Variants in LRFN5 observed in about 807,000 individuals in gnomAD.
The protein encoded by LRFN5 is leucine-rich repeat and fibronectin type-III domain-containing protein 5.
Under a neutral mutation model 45.6 loss-of-function variants are expected in LRFN5, and 24 were observed. That is an observed-to-expected ratio of 0.53 (90% confidence interval 0.38 to 0.74). LRFN5 has a LOEUF of 0.74. Among genes scored for constraint, LRFN5 ranks in the 30% least tolerant of loss-of-function variants. LRFN5 has a pLI of 0.00. For missense variants in LRFN5, 776 were observed against 861.5 expected, an observed-to-expected ratio of 0.90 and a Z score of 1.24; for synonymous variants, 340 against 313.8, an observed-to-expected ratio of 1.08 and a Z score of -0.88.
At chr14:41,642,505 A>G (rs1879626043) in intron 1 of LRFN5, among the ~76,000 whole-genome samples, 1 of 152,172 alleles carries the variant, frequency 6.6e-6, no homozygotes, top group Admixed American at 6.6e-5. Flanking sequence ...GAGGTAATGC[A>G]TAGGTCAACT....
chr14:41,789,250 G>T (rs1444012672), intron 2 of LRFN5, among the ~76,000 whole-genome samples: 1 of 151,838 alleles, frequency 6.6e-6, no homozygotes, highest in Non-Finnish European at 1.5e-5. Flanking sequence ...GCAGTCAATT[G>T]TTGCCTTTTT....
intron 2 of LRFN5, among the ~76,000 whole-genome samples, chr14:41,864,613 A>G (rs1002817934): frequency 1.3e-5 from 2 of 152,198 alleles, no homozygotes; most frequent in Non-Finnish European, 2.9e-5. Flanking sequence ...CTTATCACCA[A>G]ATAAGGTCAC....
chr14:41,759,260 C>A (rs1265602958), intron 1 of LRFN5, among the ~76,000 whole-genome samples: 1 of 152,150 alleles, frequency 6.6e-6, no homozygotes, highest in Non-Finnish European at 1.5e-5. Context: ...TTCTTCGAAA[C>A]TCCCATACTC....
chr14:41,895,320 C>T (rs1269555800), intron 4 of LRFN5, among the ~76,000 whole-genome samples: 2 of 152,072 alleles, frequency 1.3e-5, no homozygotes, highest in Non-Finnish European at 2.9e-5. Flanking sequence ...AGATTAAATA[C>T]AGCAATTTAA....
intron 1 of LRFN5, among the ~76,000 whole-genome samples, 158 bp from the exon 2 acceptor site, chr14:41,766,696 T>C (rs1885895506): frequency 6.6e-6 from 1 of 152,238 alleles, no homozygotes; most frequent in Non-Finnish European, 1.5e-5. Flanking sequence ...GCACATTCCA[T>C]TGGAAAGCTT....
At chr14:41,872,595 G>A (rs1410130876) in intron 2 of LRFN5, among the ~76,000 whole-genome samples, 3 of 152,142 alleles carry the variant, frequency 2.0e-5, no homozygotes, top group African/African-American at 4.8e-5. Flanking sequence ...TTACCTTAAT[G>A]TCCCAGTTTG....
At chr14:41,807,178 A>G (rs1390082264) in intron 2 of LRFN5, among the ~76,000 whole-genome samples, 2 of 152,212 alleles carry the variant, frequency 1.3e-5, no homozygotes, top group Non-Finnish European at 2.9e-5. Flanking sequence ...ATTTTTAGGT[A>G]TAATCCAGAA....
At chr14:41,726,090 T>C (rs1883919654) in intron 1 of LRFN5, among the ~76,000 whole-genome samples, 1 of 152,156 alleles carries the variant, frequency 6.6e-6, no homozygotes, top group Admixed American at 6.6e-5. Flanking sequence ...AACACATTAA[T>C]TGGATAAAAA....
At chr14:41,888,204 T>G (rs1295546220) in intron 3 of LRFN5, among the ~76,000 whole-genome samples, 194 bp downstream of exon 3, 1 of 152,110 alleles carries the variant, frequency 6.6e-6, no homozygotes, top group Non-Finnish European at 1.5e-5. Flanking sequence ...TTTAGAGAGT[T>G]CAATTTATAT....
At chr14:41,750,969 C>A (rs1007319731) in intron 1 of LRFN5, among the ~76,000 whole-genome samples, 5 of 152,152 alleles carry the variant, frequency 3.3e-5, no homozygotes, top group Non-Finnish European at 7.3e-5. Context: ...CTATCCCTCC[C>A]TCAGCCCCCT....
intron 2 of LRFN5, among the ~76,000 whole-genome samples, chr14:41,880,225 CCCT>C (rs1890334682): frequency 6.6e-6 from 1 of 151,904 alleles, no homozygotes; most frequent in Admixed American, 6.6e-5. Flanking sequence ...CCGCGCCCGG[CCCT>C]CAATCTTTTC....
In LRFN5 at chr14:41,753,674, G is replaced by A. The variant is rs144576472; in HGVS notation, c.-196-13180G>A. ...CCTTATGGAGATTTTGGGCTGAGAC[G>A]ATGGGGTTTTCTAGATAAACAATCA... On this transcript the variant is annotated intron_variant, in intron 1 of 5. Transcript: ENST00000298119. Among the ~76,000 whole-genome samples the A allele has an allele frequency of 9.1e-3, 1,393 of 152,250 alleles. 8 individuals carry two copies. Among genetic ancestry groups the A allele is most frequent in the Non-Finnish European group, 0.014 (933 of 68,022 alleles).
chr14:41,838,537 C>A (rs1479238422), intron 2 of LRFN5, among the ~76,000 whole-genome samples: 1 of 152,120 alleles, frequency 6.6e-6, no homozygotes, highest in Non-Finnish European at 1.5e-5. Flanking sequence ...AGAGTAGGAA[C>A]AATATGTTTA....
chr14:41,669,840 C>A (rs1047218737), intron 1 of LRFN5, among the ~76,000 whole-genome samples: 1 of 150,306 alleles, frequency 6.7e-6, no homozygotes, highest in Non-Finnish European at 1.5e-5. Context: ...AAAGTATGCT[C>A]ATAAAATGGA....
At chr14:41,860,917 A>T (rs1889638070) in intron 2 of LRFN5, among the ~76,000 whole-genome samples, 1 of 152,232 alleles carries the variant, frequency 6.6e-6, no homozygotes, top group Admixed American at 6.5e-5. Context: ...CATTTAAAGA[A>T]TAATGCACTT....
chr14:41,730,952 C>G (rs1197378732), intron 1 of LRFN5, among the ~76,000 whole-genome samples: 1 of 151,796 alleles, frequency 6.6e-6, no homozygotes, highest in Non-Finnish European at 1.5e-5. Context: ...TGGGTAGTAC[C>G]CAATGGAGTG....
chr14:41,865,787 T>TA (rs1889819848), intron 2 of LRFN5, among the ~76,000 whole-genome samples: 1 of 152,324 alleles, frequency 6.6e-6, no homozygotes, highest in East Asian at 1.9e-4. Context: ...GGTATCTCAT[T>TA]ATTGTTTTGT....
intron 1 of LRFN5, among the ~76,000 whole-genome samples, chr14:41,756,192 C>G (rs1412114630): frequency 2.0e-5 from 3 of 151,470 alleles, no homozygotes; most frequent in Non-Finnish European, 4.4e-5. Flanking sequence ...TCTGGCTGCC[C>G]TTAACATTTT....
At chr14:41,874,684 A>G (rs1425340154) in intron 2 of LRFN5, among the ~76,000 whole-genome samples, 1 of 152,220 alleles carries the variant, frequency 6.6e-6, no homozygotes, top group African/African-American at 2.4e-5. Flanking sequence ...AACAAAGTGG[A>G]TAATCAAATT....
Sources: gnomAD v4.1 joint callset for allele counts (sites outside exome capture counted in the v4.1 genomes callset) on GRCh38, gnomAD v4.1.1 for gene constraint, MANE v1.5 for transcripts, NCBI Gene and HGNC (gene_info 2026-07-23, HGNC 2026-07-21) for gene names.